Variants in ESR1 observed in about 807,000 individuals in gnomAD.
ESR1 encodes the protein estrogen receptor 1.
ESR1 carries 12 observed loss-of-function variants against 52.7 expected under a neutral mutation model. The observed-to-expected ratio is 0.23, with a 90% CI of 0.15 to 0.37. The LOEUF (loss-of-function observed/expected upper bound fraction) is 0.37. Ranked by LOEUF, ESR1 falls within the 10% of genes least tolerant of loss-of-function variation. The probability of loss-of-function intolerance (pLI) is 1.00; values close to 1 mark genes in which losing one functional copy is unlikely to be tolerated. For synonymous variants in ESR1, 305 were observed against 316.8 expected (o/e 0.96, Z 0.39); for missense variants, 584 against 779.7 (o/e 0.75, Z 2.99).
At chr6:151,873,415 TC>T (rs1379432032) in intron 2 of ESR1, among the ~76,000 whole-genome samples, 5 of 152,198 alleles carry the variant, frequency 3.3e-5, no homozygotes, top group African/African-American at 1.2e-4. Context: ...AGACTCGGTT[TC>T]CTTGGTAGAG....
chr6:151,670,505 G>A (rs905145394), intron 1 of ESR1, among the ~76,000 whole-genome samples: 2 of 152,118 alleles, frequency 1.3e-5, no homozygotes, highest in Admixed American at 6.5e-5. Context: ...CCAGTTAAAC[G>A]TTTGTTGAAT....
chr6:151,766,369 A>C (rs1175962315), intron 2 of ESR1, among the ~76,000 whole-genome samples: 1 of 152,132 alleles, frequency 6.6e-6, no homozygotes, highest in African/African-American at 2.4e-5. Flanking sequence ...ACATTTAAAA[A>C]TTACAGGAGA....
chr6:151,773,592 T>A (rs986556054), intron 2 of ESR1, among the ~76,000 whole-genome samples: 1 of 152,188 alleles, frequency 6.6e-6, no homozygotes, highest in Non-Finnish European at 1.5e-5. Context: ...TTTACCCTGG[T>A]CCTAGTGGAG....
chr6:152,120,710 G>T (rs1463993523), intron 6 of ESR1, among the ~76,000 whole-genome samples: 2 of 152,112 alleles, frequency 1.3e-5, no homozygotes, highest in Non-Finnish European at 2.9e-5. Context: ...TAAAATGCCG[G>T]CTCCCAGGCC....
At chr6:151,701,040 G>A (rs1454516157) in intron 1 of ESR1, among the ~76,000 whole-genome samples, 1 of 152,050 alleles carries the variant, frequency 6.6e-6, no homozygotes, top group Non-Finnish European at 1.5e-5. Flanking sequence ...TAAGCAATAG[G>A]GAAAAGCTGT....
At chr6:151,733,954 G>T (rs749490316) in intron 2 of ESR1, among the ~76,000 whole-genome samples, 2 of 152,118 alleles carry the variant, frequency 1.3e-5, no homozygotes, top group Non-Finnish European at 2.9e-5. Flanking sequence ...TACAAATTTG[G>T]TTGATGACAT....
chr6:151,668,067 C>T (rs1777891126), intron 1 of ESR1, among the ~76,000 whole-genome samples: 1 of 152,104 alleles, frequency 6.6e-6, no homozygotes, highest in Non-Finnish European at 1.5e-5. Context: ...TTAGTCTATT[C>T]TGTGCTGCTA....
chr6:151,927,370 G>T (rs778747029), intron 3 of ESR1, among the ~76,000 whole-genome samples: 1 of 152,188 alleles, frequency 6.6e-6, no homozygotes, highest in Non-Finnish European at 1.5e-5. Context: ...GAGTTAGGAT[G>T]TGTTTTCTCT....
intron 3 of ESR1, among the ~76,000 whole-genome samples, chr6:151,887,399 T>A (rs1794028717): frequency 6.6e-6 from 1 of 152,114 alleles, no homozygotes; most frequent in Non-Finnish European, 1.5e-5. Context: ...TGCAAACAAA[T>A]ATACTGAATC....
At chr6:152,120,793 C>A (rs1448562952) in intron 6 of ESR1, among the ~76,000 whole-genome samples, 1 of 152,158 alleles carries the variant, frequency 6.6e-6, no homozygotes, top group Admixed American at 6.5e-5. Context: ...CCCAGGAACC[C>A]TAGTTGAGAT....
chr6:151,998,749 T>C (rs1055413923), intron 4 of ESR1, among the ~76,000 whole-genome samples: 4 of 152,142 alleles, frequency 2.6e-5, no homozygotes, highest in Middle Eastern at 3.2e-3. Flanking sequence ...CAAGTATTTA[T>C]GTTTAGGATC....
At chr6:151,982,763 A>C (rs1409309263) in intron 4 of ESR1, among the ~76,000 whole-genome samples, 1 of 152,094 alleles carries the variant, frequency 6.6e-6, no homozygotes, top group Non-Finnish European at 1.5e-5. Flanking sequence ...CCTATATAAA[A>C]AAATTAGCAT....
chr6:152,059,546 C>A (rs2047384073), intron 5 of ESR1, among the ~76,000 whole-genome samples: 1 of 151,936 alleles, frequency 6.6e-6, no homozygotes, highest in Admixed American at 6.6e-5. Context: ...GTGAAAATGA[C>A]AAATAACAGA....
chr6:151,728,773 C>T lies in ESR1; in HGVS notation c.-71+26768C>T, dbSNP rs144208552. Among the ~76,000 whole-genome samples, 276 of 152,302 alleles carry T rather than the reference C, an allele frequency of 1.8e-3. 1 individual carries two copies. Among genetic ancestry groups the T allele is most frequent in the Non-Finnish European group, 3.0e-3 (205 of 68,024 alleles). On this transcript the variant is annotated intron_variant, in intron 2 of 2. Transcript: ENST00000404742. The stretch of plus-strand genomic sequence containing the variant: ...TCTGATGGTGCCCTGGGCAGTCCCA[C>T]TCTGCCTAGAAAACACCATAGAAAA...
At chr6:151,857,929 G>C (rs967323090) in intron 2 of ESR1, among the ~76,000 whole-genome samples, 12 of 152,058 alleles carry the variant, frequency 7.9e-5, no homozygotes, top group African/African-American at 2.7e-4. Context: ...TTGCATATCT[G>C]TATTTTTATT....
At chr6:151,852,244 C>T (rs1401911126) in intron 2 of ESR1, among the ~76,000 whole-genome samples, 1 of 152,134 alleles carries the variant, frequency 6.6e-6, no homozygotes, top group Non-Finnish European at 1.5e-5. Context: ...AATCAGCTCT[C>T]TGCGGATATT....
intron 2 of ESR1, among the ~76,000 whole-genome samples, chr6:151,771,905 ATAAT>A (rs988026859): frequency 6.6e-6 from 1 of 152,236 alleles, no homozygotes; most frequent in African/African-American, 2.4e-5. Flanking sequence ...ATATGTTTAA[ATAAT>A]TAATTTGTTG....
chr6:151,934,721 A>T (rs2034138685), intron 3 of ESR1, among the ~76,000 whole-genome samples: 1 of 152,230 alleles, frequency 6.6e-6, no homozygotes, highest in Middle Eastern at 3.2e-3. Context: ...TTCCAAAAAT[A>T]AAAGCATCAG....
At chr6:151,767,444 G>T (rs1345179621) in intron 2 of ESR1, among the ~76,000 whole-genome samples, 1 of 151,988 alleles carries the variant, frequency 6.6e-6, no homozygotes, top group Non-Finnish European at 1.5e-5. Flanking sequence ...GACCCCTTTG[G>T]CAGTCTGGTG....
Sources: allele counts gnomAD v4.1 joint callset (sites outside exome capture counted in the v4.1 genomes callset), GRCh38; gene constraint gnomAD v4.1.1; transcripts MANE v1.5; gene names NCBI Gene and HGNC (gene_info 2026-07-23, HGNC 2026-07-21).